NMNAT1: variants seen among roughly 807,000 people sequenced by gnomAD.
The protein encoded by NMNAT1 is nicotinamide nucleotide adenylyltransferase 1.
In NMNAT1, 11 loss-of-function variants were observed where a neutral mutation model predicts 16.7. That is an observed-to-expected ratio of 0.66 (90% CI 0.41 to 1.09). The LOEUF (loss-of-function observed/expected upper bound fraction) is 1.09, where lower values mean the gene tolerates loss of function less well. Ranked by LOEUF, NMNAT1 falls within the 50% of genes least tolerant of loss-of-function variation. The probability of loss-of-function intolerance (pLI) is 0.00; values close to 1 mark genes in which losing one functional copy is unlikely to be tolerated. For synonymous variants in NMNAT1, 110 were observed against 119.8 expected, an observed-to-expected ratio of 0.92 and a Z score of 0.53; for missense variants, 280 against 332.3, an observed-to-expected ratio of 0.84 and a Z score of 1.22.
At chr1:9,959,905 T>G (rs900971031) in intron 1 of NMNAT1, among the ~76,000 whole-genome samples, 1 of 152,130 alleles carries the variant, frequency 6.6e-6, no homozygotes, top group Non-Finnish European at 1.5e-5. Context: ...CCCAAGAGTA[T>G]TTAATGGCAG....
chr1:9,946,282 A>G (rs1247757055), intron 1 of NMNAT1, among the ~76,000 whole-genome samples: 6 of 152,236 alleles, frequency 3.9e-5, no homozygotes, highest in East Asian at 1.9e-4. Flanking sequence ...TGAAACAAAA[A>G]TAGAATACAA....
chr1:9,953,769 A>G (rs1176888848), intron 1 of NMNAT1, among the ~76,000 whole-genome samples: 2 of 141,496 alleles, frequency 1.4e-5, no homozygotes, highest in Non-Finnish European at 3.1e-5. Flanking sequence ...AAATTCGGAC[A>G]TAGTTTTTGC....
intron 3 of NMNAT1, among the ~76,000 whole-genome samples, chr1:9,976,912 CT>C (rs201689546): frequency 4.2e-4 from 60 of 141,426 alleles, no homozygotes; most frequent in Non-Finnish European, 3.2e-4. Flanking sequence ...CTTTTCTTTT[CT>C]TTTTTTTTTT....
At chr1:9,957,413 C>A (rs148301514) in intron 1 of NMNAT1, among the ~76,000 whole-genome samples, 2 of 151,564 alleles carry the variant, frequency 1.3e-5, no homozygotes, top group Admixed American at 1.3e-4. Flanking sequence ...CTCCACCTCC[C>A]GGGTTCAAGC....
chr1:9,968,939 C>CA (rs749269968), intron 1 of NMNAT1, among the ~76,000 whole-genome samples: 10,227 of 67,866 alleles, frequency 0.15, 487 homozygotes, highest in South Asian at 0.22. Context: ...GACTCTGTCT[C>CA]AAAAAAAAAA....
At position 9,982,138 on chromosome 1, in the gene NMNAT1, C is replaced by T. The variant is rs372153098; in HGVS notation, c.440-163C>T. Among the ~76,000 whole-genome samples the T allele has an allele frequency of 9.6e-4, 146 of 152,340 alleles. 1 individual carries two copies. Among genetic ancestry groups the T allele is most frequent in the African/African-American group, 3.3e-3 (136 of 41,586 alleles). On this transcript the variant is annotated intron_variant, in intron 4 of 4. Transcript: ENST00000377205. ...TCGGCCTCCCAGAGTGCTGGGATTA[C>T]AGGCTAGAGCCACCGCACTCGGCCT...
At chr1:9,988,734 A>ATTT (rs70998338), downstream of NMNAT1, among the ~76,000 whole-genome samples, 3 of 128,498 alleles carry the variant, frequency 2.3e-5, no homozygotes, top group Admixed American at 9.2e-5. Flanking sequence ...GGGTACCTTG[A>ATTT]TTTTTTTTTT....
chr1:9,978,093 A>G (rs1454694363), intron 3 of NMNAT1, among the ~76,000 whole-genome samples: 2 of 152,182 alleles, frequency 1.3e-5, no homozygotes, highest in East Asian at 3.8e-4. Flanking sequence ...ATGGTGGCTC[A>G]CACCTGTAAT....
chr1:9,987,885 C>T (rs959992026), downstream of NMNAT1, among the ~76,000 whole-genome samples: 5 of 152,090 alleles, frequency 3.3e-5, no homozygotes, highest in African/African-American at 1.2e-4. Context: ...ACCCAAGTCT[C>T]CAGCCACACT....
intron 1 of NMNAT1, among the ~76,000 whole-genome samples, chr1:9,961,074 A>G (rs1403364308): frequency 6.6e-6 from 1 of 152,148 alleles, no homozygotes; most frequent in Non-Finnish European, 1.5e-5. Context: ...GTTAACAGTT[A>G]GTGGAACTGT....
intron 2 of NMNAT1, chr1:9,972,452 C>A: frequency 4.1e-6 from 1 of 243,250 alleles, no homozygotes; most frequent in Non-Finnish European, 8.0e-6. Flanking sequence ...GCTGAGATTG[C>A]TGCACTGCAC....
chr1:9,972,969 CA>C (rs1465968884), intron 2 of NMNAT1, among the ~76,000 whole-genome samples: 1 of 151,880 alleles, frequency 6.6e-6, no homozygotes, highest in Non-Finnish European at 1.5e-5. Flanking sequence ...CACCCCTCCC[CA>C]AAAAAAGGAA....
intron 1 of NMNAT1, among the ~76,000 whole-genome samples, 164 bp from the exon 2 acceptor site, chr1:9,971,854 C>G (rs1402376020): frequency 6.6e-6 from 1 of 151,930 alleles, no homozygotes; most frequent in Admixed American, 6.6e-5. Context: ...CCTGTGTTCC[C>G]AGCTACTTGA....
chr1:9,976,656 G>A (rs1451961173), intron 3 of NMNAT1, among the ~76,000 whole-genome samples: 2 of 151,064 alleles, frequency 1.3e-5, no homozygotes, highest in Non-Finnish European at 2.9e-5. Context: ...ACGGAGTCTC[G>A]CTCTGTCACC....
the NMNAT1 span, among the ~76,000 whole-genome samples, chr1:9,994,463 T>C: frequency 1.4e-5 from 2 of 147,820 alleles, no homozygotes; most frequent in Non-Finnish European, 3.0e-5. Context: ...AGAGTTTGGC[T>C]CGTGTTGCCC....
intron 1 of NMNAT1, among the ~76,000 whole-genome samples, chr1:9,946,744 C>G (rs1640988784): frequency 6.6e-6 from 1 of 152,070 alleles, no homozygotes; most frequent in South Asian, 2.1e-4. Context: ...GGCCCTGATC[C>G]GATAGGACTA....
rs148906749 is a variant in NMNAT1, at chr1:9,953,003, C to T, written c.-57+9488C>T. Among the ~76,000 whole-genome samples, 599 of 150,914 alleles carry T rather than the reference C, an allele frequency of 4.0e-3. 4 individuals carry two copies. Among genetic ancestry groups the T allele is most frequent in the African/African-American group, 0.014 (574 of 41,154 alleles). On this transcript the variant is annotated intron_variant, in intron 1 of 4. Coordinates refer to ENST00000377205, the MANE Select transcript of NMNAT1 (RefSeq NM_022787.4). ...GTATGCATGTTTTTTTTTTTTGAGA[C>T]GGAGTCTTGCTCTGTCGCCCAGGTG...
chr1:9,992,682 T>C, the NMNAT1 span, among the ~76,000 whole-genome samples: 1 of 151,618 alleles, frequency 6.6e-6, no homozygotes, highest in Admixed American at 6.6e-5. Flanking sequence ...GAGGCCGAGG[T>C]GGGTGGATCA....
intron 1 of NMNAT1, among the ~76,000 whole-genome samples, chr1:9,955,375 G>A (rs534092276): frequency 7.0e-6 from 1 of 143,212 alleles, no homozygotes; most frequent in African/African-American, 2.6e-5. Flanking sequence ...TTGCACTCCA[G>A]CCTGGGGACA....
Sources: gnomAD v4.1 joint callset for allele counts (sites outside exome capture counted in the v4.1 genomes callset) on GRCh38, gnomAD v4.1.1 for gene constraint, MANE v1.5 for transcripts, NCBI Gene and HGNC (gene_info 2026-07-23, HGNC 2026-07-21) for gene names.